Variants in ATG16L2 observed in about 807,000 individuals in gnomAD.
The protein encoded by ATG16L2 is protein Atg16l2.
In ATG16L2, 77 loss-of-function variants were observed where a neutral mutation model predicts 84.7. That is an observed-to-expected ratio of 0.91 (90% CI 0.76 to 1.10). The LOEUF is 1.10. Among genes scored for constraint, ATG16L2 ranks in the 50% least tolerant of loss-of-function variants. The pLI is 0.00. For synonymous variants in ATG16L2, 361 were observed against 342.8 expected (o/e 1.05, Z -0.59); for missense variants, 782 against 817.6 (o/e 0.96, Z 0.53).
At chr11:72,830,440 C>G (rs1226988875), downstream of ATG16L2, among the ~76,000 whole-genome samples, 4 of 152,188 alleles carry the variant, frequency 2.6e-5, no homozygotes, top group African/African-American at 9.7e-5. Context: ...TCTAGACCTG[C>G]AGTCTCCCCA....
At chr11:72,829,800 A>G (rs1210864549), downstream of ATG16L2, among the ~76,000 whole-genome samples, 1 of 152,142 alleles carries the variant, frequency 6.6e-6, no homozygotes, top group African/African-American at 2.4e-5. Context: ...AACCATGGAA[A>G]CAGCAGGAAG....
At chr11:72,839,650 C>T (rs187003149) in intron 5 of ATG16L2, among the ~76,000 whole-genome samples, 9 of 151,956 alleles carry the variant, frequency 5.9e-5, no homozygotes, top group African/African-American at 1.9e-4. Context: ...GATGGGGGTT[C>T]CATTTACCAA....
chr11:72,822,989 C>A lies in ATG16L2; in HGVS notation c.824+28C>A, dbSNP rs868820532. ...GAGGACCCAGGTGACAGTCTCAGAGCTCTGAGCTGAGCCCCACCCCAGAGG... is the reference window on the plus strand; with the variant it reads ...GAGGACCCAGGTGACAGTCTCAGAGATCTGAGCTGAGCCCCACCCCAGAGG... On this transcript the variant is annotated intron_variant, in intron 7 of 17. Coordinates refer to ENST00000321297, the MANE Select transcript of ATG16L2 (RefSeq NM_033388.2). This position sits in a 1 kb window ranked among gnomAD's most constrained non-coding sequence, Gnocchi z 4.2. 1 of 1,498,638 alleles carries A rather than the reference C, an allele frequency of 6.7e-7. No individual in the cohort carries two copies. The highest frequency in any genetic ancestry group is 1.9e-4 in the Middle Eastern group (1 of 5,250). 92.8% of individuals were successfully genotyped at this position (1,498,638 alleles called of 1,614,324 possible).
rs200728373 is a variant in ATG16L2, at chr11:72,816,818, A to G, written c.209A>G (p.Gln70Arg). The change falls in exon 2 of 18, where the codon CAG becomes CGG. Residue 70 changes from glutamine (Q) to arginine (R), a missense_variant. Gln to Arg is a conservative substitution (Grantham distance 43). Coordinates refer to ENST00000321297, the MANE Select transcript of ATG16L2 (RefSeq NM_033388.2). ...EPNSVTPTTH[Q>R]GPWEESELDS... Reference sequence around the variant, plus strand: ...AACAGTGTCACTCCCACCACCCACCAGGGCCCCTGGTAAGTGTATGTGGGT... The same window carrying G: ...AACAGTGTCACTCCCACCACCCACCGGGGCCCCTGGTAAGTGTATGTGGGT... The G allele has an allele frequency of 9.5e-5, 154 of 1,614,020 alleles. No homozygotes were observed. The highest frequency in any genetic ancestry group is 9.7e-5 in the Non-Finnish European group (115 of 1,179,980).
rs1000818529 is a variant in ATG16L2 at position 72,817,644 on chromosome 11, C to A, written c.219-112C>A. ...ACTGGCTTGCTGGCTTCCATCTTCC[C>A]AGGACGAAGTTAATGGCTCTTGTTT... is the stretch of plus-strand genomic sequence containing the variant. On this transcript the variant is annotated intron_variant, in intron 2 of 17. Coordinates refer to ENST00000321297, the MANE Select transcript of ATG16L2 (RefSeq NM_033388.2). 31 of 1,036,992 alleles carry A rather than the reference C, an allele frequency of 3.0e-5. 2 individuals are homozygous for A. The South Asian group carries it at 4.2e-4, about 14-fold the overall frequency. 64.2% of individuals were successfully genotyped at this position (1,036,992 alleles called of 1,614,324 possible).
At chr11:72,839,723 T>C (rs1860850701) in intron 5 of ATG16L2, among the ~76,000 whole-genome samples, 1 of 152,152 alleles carries the variant, frequency 6.6e-6, no homozygotes, top group South Asian at 2.1e-4. Flanking sequence ...TGCTGAGTTT[T>C]GGGGATCTGG....
At chr11:72,817,620 C>T (rs1859767237) in intron 2 of ATG16L2, 136 bp from the exon 3 acceptor site, 5 of 785,406 alleles carry the variant, frequency 6.4e-6, no homozygotes, top group Non-Finnish European at 1.1e-5. Flanking sequence ...TTTTCCTTTA[C>T]TGGCTTGCTG....
chr11:72,829,475 T>C lies in ATG16L2; in HGVS notation c.*85T>C, dbSNP rs1860554239. On this transcript the variant is annotated 3_prime_UTR_variant, in exon 18 of 18. Transcript: ENST00000321297. ...GCCATGCAGGGGTTGGGGTTGGGAC[T>C]GGAGCTGGCCTTGGGATTTAATGGG... 2.0e-6 allele frequency: 3 copies of C among 1,524,626 alleles called. No homozygotes were observed. Among genetic ancestry groups the C allele is most frequent in the Admixed American group, 2.0e-5 (1 of 49,800 alleles). The allele number at this position is 1,524,626 out of a possible 1,614,324, so 94.4% of individuals were successfully genotyped here.
chr11:72,826,810 C>G lies in ATG16L2; in HGVS notation c.1353C>G (p.Leu451=). 2 of 1,613,804 alleles carry G rather than the reference C, an allele frequency of 1.2e-6. No homozygotes were observed. The highest frequency in any genetic ancestry group is 1.7e-6 in the Non-Finnish European group (2 of 1,179,950). ...SRDRTVKEWD[L]GRAYCSRTIN... ...ACCGGACAGTGAAGGAGTGGGACCT[C>G]GGCCGTGCCTATTGTGAGCCCGAGC... The change falls in exon 13 of 18, where the codon CTC becomes CTG. Residue 451 remains leucine (L), a synonymous_variant. Coordinates refer to ENST00000321297, the MANE Select transcript of ATG16L2 (RefSeq NM_033388.2).
At chr11:72,815,517 C>T (rs1013968401) in intron 1 of ATG16L2, among the ~76,000 whole-genome samples, 2 of 152,088 alleles carry the variant, frequency 1.3e-5, no homozygotes, top group African/African-American at 2.4e-5. Context: ...CCCTGCCCCC[C>T]GCCCCGACCC....
downstream of ATG16L2, among the ~76,000 whole-genome samples, chr11:72,831,674 C>T (rs900228850): frequency 1.3e-5 from 2 of 152,196 alleles, no homozygotes; most frequent in Non-Finnish European, 2.9e-5. Flanking sequence ...AGGCCATTCC[C>T]GTTTCCAGGG....
intron 5 of ATG16L2, chr11:72,837,661 G>A (rs1374447615): frequency 1.3e-5 from 2 of 152,162 alleles, no homozygotes; most frequent in Non-Finnish European, 2.9e-5. Flanking sequence ...GTCTTTTCCT[G>A]GTCAATCTGT....
At chr11:72,830,052 G>GT (rs1457017122), downstream of ATG16L2, among the ~76,000 whole-genome samples, 5 of 152,176 alleles carry the variant, frequency 3.3e-5, no homozygotes, top group African/African-American at 1.2e-4. Flanking sequence ...CTTAGACTGG[G>GT]TCCGCGTTCT....
chr11:72,825,827 G>C (rs1021118751), intron 10 of ATG16L2, among the ~76,000 whole-genome samples: 3 of 152,144 alleles, frequency 2.0e-5, no homozygotes, highest in Admixed American at 1.3e-4. Context: ...GCTCTGGAGA[G>C]GGGGTGTCCT....
intron 5 of ATG16L2, chr11:72,837,037 T>G (rs1258501833): frequency 6.6e-6 from 1 of 152,212 alleles, no homozygotes; most frequent in Admixed American, 6.5e-5. Context: ...CAAGGACAAT[T>G]TGGCTAGCTA....
chr11:72,824,662 AG>A, intron 8 of ATG16L2, 71 bp from the exon 9 acceptor site: 3 of 1,086,208 alleles, frequency 2.8e-6, no homozygotes, highest in Non-Finnish European at 4.3e-6. Context: ...TTGATGCCTC[AG>A]GGGAGCTGGA....
chr11:72,831,798 TG>T (rs1288635784), downstream of ATG16L2, among the ~76,000 whole-genome samples: 3 of 152,178 alleles, frequency 2.0e-5, no homozygotes, highest in African/African-American at 4.8e-5. Flanking sequence ...CCAACTACAT[TG>T]CCATGTAGCT....
chr11:72,840,966 G>C (rs765459491), intron 5 of ATG16L2: 2 of 1,607,752 alleles, frequency 1.2e-6, no homozygotes, highest in South Asian at 1.1e-5. Flanking sequence ...TTTTCTAAGG[G>C]AGAAAACCAA....
rs896445696 is a variant in ATG16L2, at chr11:72,825,165, T to G, written c.997-137T>G. On this transcript the variant is annotated intron_variant, in intron 9 of 17. Transcript: ENST00000321297. Reference sequence around the variant, plus strand: ...GGGGCCGGGTTTGAAACTCAGAGTGTGGACAGAGAAACTGGGGAGGGAGAT... The same window carrying G: ...GGGGCCGGGTTTGAAACTCAGAGTGGGGACAGAGAAACTGGGGAGGGAGAT... 4.3e-6 allele frequency: 3 copies of G among 689,702 alleles called. No homozygotes were observed. In the African/African-American group the frequency reaches 5.4e-5, roughly 12 times the overall value. 42.7% of individuals were successfully genotyped at this position (689,702 alleles called of 1,614,324 possible).
Sources: allele counts gnomAD v4.1 joint callset (sites outside exome capture counted in the v4.1 genomes callset), GRCh38; gene constraint gnomAD v4.1.1; non-coding constraint Gnocchi (gnomAD v3.1); transcripts MANE v1.5; gene names NCBI Gene and HGNC (gene_info 2026-07-23, HGNC 2026-07-21).